ICA1: variants seen among roughly 807,000 people sequenced by gnomAD.
The protein encoded by ICA1 is islet cell autoantigen 1.
In ICA1, 40 loss-of-function variants were observed where a neutral mutation model predicts 71.0. That is an observed-to-expected ratio of 0.56 (90% CI 0.44 to 0.73). The LOEUF (loss-of-function observed/expected upper bound fraction) is 0.73, where lower values mean the gene tolerates loss of function less well. Among genes scored for constraint, ICA1 ranks in the 30% least tolerant of loss-of-function variants. ICA1 has a pLI of 0.00. For synonymous variants in ICA1, 207 were observed against 209.5 expected, an observed-to-expected ratio of 0.99 and a Z score of 0.10; for missense variants, 578 against 576.5, an observed-to-expected ratio of 1.00 and a Z score of -0.03.
intron 5 of ICA1, 196 bp from the exon 6 acceptor site, chr7:8,218,699 T>C: frequency 1.7e-6 from 1 of 600,064 alleles, no homozygotes; most frequent in East Asian, 2.8e-5. Flanking sequence ...ATTATCCATG[T>C]ACCCATCCCT....
At chr7:8,220,894 G>A (rs146496244) in intron 5 of ICA1, among the ~76,000 whole-genome samples, 23 of 152,032 alleles carry the variant, frequency 1.5e-4, no homozygotes, top group African/African-American at 5.1e-4. Flanking sequence ...GAGCAGAGAG[G>A]GAACCCTTCA....
intron 6 of ICA1, among the ~76,000 whole-genome samples, chr7:8,209,711 G>A (rs1792956827): frequency 6.7e-6 from 1 of 149,842 alleles, no homozygotes; most frequent in Admixed American, 6.7e-5. Context: ...GTGCAAAAGG[G>A]TAACAGCCTT....
chr7:8,154,114 T>A (rs1318621032), intron 8 of ICA1, among the ~76,000 whole-genome samples: 1 of 152,114 alleles, frequency 6.6e-6, no homozygotes, highest in Middle Eastern at 3.2e-3. Context: ...ATCAATATAA[T>A]TATATTAGGC....
At chr7:8,214,502 T>C (rs11772158) in intron 6 of ICA1, among the ~76,000 whole-genome samples, 2,126 of 152,302 alleles carry the variant, frequency 0.014, 22 homozygotes, top group Non-Finnish European at 0.022. Context: ...TTTCCTATTA[T>C]GTATTTGGTC....
Position 8,143,977 on chromosome 7 carries a change from A to C in ICA1, c.805-5T>G. ...TTTCATAGGGTCTTGTAAGCTCTTG[A>C]TCACGAGCCATAGAAAAATGAAAAA... On this transcript the variant is annotated splice_polypyrimidine_tract_variant and splice_region_variant and intron_variant, in intron 8 of 13. Coordinates refer to ENST00000402384, the MANE Select transcript of ICA1 (RefSeq NM_001136020.3). 1 of 1,422,746 alleles carries C rather than the reference A, an allele frequency of 7.0e-7. No homozygotes were observed. The highest frequency in any genetic ancestry group is 9.8e-7 in the Non-Finnish European group (1 of 1,017,840). 88.1% of individuals were successfully genotyped at this position (1,422,746 alleles called of 1,614,324 possible).
At chr7:8,120,374 T>G (rs1340375808) in intron 13 of ICA1, among the ~76,000 whole-genome samples, 3 of 152,188 alleles carry the variant, frequency 2.0e-5, no homozygotes, top group Admixed American at 6.5e-5. Flanking sequence ...CATATCACTT[T>G]GGAAATTATT....
At chr7:8,237,813 A>AAGAC (rs1048641294) in intron 1 of ICA1, among the ~76,000 whole-genome samples, 7 of 138,460 alleles carry the variant, frequency 5.1e-5, no homozygotes, top group East Asian at 3.9e-4. Flanking sequence ...TGCAATGTTG[A>AAGAC]AGACAGACAC....
chr7:8,158,447 C>T, intron 7 of ICA1, 80 bp downstream of exon 7: 1 of 1,564,026 alleles, frequency 6.4e-7, no homozygotes, highest in South Asian at 1.2e-5. Flanking sequence ...CCAAAGCTTA[C>T]TTTTAGCTCA....
intron 6 of ICA1, among the ~76,000 whole-genome samples, chr7:8,190,734 T>A (rs192973168): frequency 6.6e-6 from 1 of 152,210 alleles, no homozygotes; most frequent in East Asian, 1.9e-4. Flanking sequence ...AAGTTTGTCA[T>A]TAGAATGGAG....
chr7:8,168,067 C>T (rs1474323359), intron 6 of ICA1, among the ~76,000 whole-genome samples: 1 of 151,632 alleles, frequency 6.6e-6, no homozygotes, highest in Non-Finnish European at 1.5e-5. Context: ...ACTGAGAGAC[C>T]TAGTAGCACT....
chr7:8,196,760 C>T (rs1395520215), intron 6 of ICA1, among the ~76,000 whole-genome samples: 1 of 152,094 alleles, frequency 6.6e-6, no homozygotes, highest in East Asian at 1.9e-4. Context: ...TGCATTCCCA[C>T]ACAAATCTTA....
chr7:8,260,548 T>C (rs1811908415), intron 1 of ICA1, among the ~76,000 whole-genome samples: 1 of 152,202 alleles, frequency 6.6e-6, no homozygotes, highest in African/African-American at 2.4e-5. Context: ...GATTCATCTT[T>C]ATAAACAGTA....
At chr7:8,256,291 T>C (rs943107211) in intron 1 of ICA1, among the ~76,000 whole-genome samples, 1 of 152,196 alleles carries the variant, frequency 6.6e-6, no homozygotes, top group South Asian at 2.1e-4. Flanking sequence ...TTTTAATTGC[T>C]TTCTCTTGCC....
At chr7:8,232,399 G>A (rs1375981561) in intron 3 of ICA1, among the ~76,000 whole-genome samples, 191 bp downstream of exon 3, 4 of 152,170 alleles carry the variant, frequency 2.6e-5, no homozygotes, top group Non-Finnish European at 5.9e-5. Flanking sequence ...AAAATACAGA[G>A]TAACTGAGGC....
At chr7:8,232,509 G>T in intron 3 of ICA1, 81 bp downstream of exon 3, 1 of 1,189,440 alleles carries the variant, frequency 8.4e-7, no homozygotes, top group Non-Finnish European at 1.1e-6. Flanking sequence ...AGCACACCCA[G>T]CTCTGCCTCA....
chr7:8,209,706 A>G (rs926201980), intron 6 of ICA1, among the ~76,000 whole-genome samples: 1 of 150,702 alleles, frequency 6.6e-6, no homozygotes, highest in Non-Finnish European at 1.5e-5. Context: ...GAACAGTGCA[A>G]AAGGGTAACA....
chr7:8,216,571 C>A (rs10243136), intron 6 of ICA1, among the ~76,000 whole-genome samples: 5,862 of 123,000 alleles, frequency 0.048, 407 homozygotes, highest in African/African-American at 0.19. Flanking sequence ...TAACCACCCC[C>A]ACAAAACAAA....
At chr7:8,135,257 C>T (rs1212426205) in intron 12 of ICA1, among the ~76,000 whole-genome samples, 1 of 152,084 alleles carries the variant, frequency 6.6e-6, no homozygotes, top group East Asian at 1.9e-4. Context: ...GAACTCTTGA[C>T]CTCAAGTGAT....
At chr7:8,195,785 C>T (rs1410508591) in intron 6 of ICA1, among the ~76,000 whole-genome samples, 1 of 152,110 alleles carries the variant, frequency 6.6e-6, no homozygotes, top group Admixed American at 6.5e-5. Flanking sequence ...CGAGACCAGC[C>T]TAGCCAACAT....
Sources: gnomAD v4.1 joint callset for allele counts (sites outside exome capture counted in the v4.1 genomes callset) on GRCh38, gnomAD v4.1.1 for gene constraint, MANE v1.5 for transcripts, NCBI Gene and HGNC (gene_info 2026-07-23, HGNC 2026-07-21) for gene names.